Variants in HK1 observed in about 807,000 individuals in gnomAD.
The protein encoded by HK1 is hexokinase-1.
Under a neutral mutation model 91.6 loss-of-function variants are expected in HK1, and 28 were observed. The ratio of observed to expected loss-of-function variants is 0.31; its 90% CI spans 0.23 to 0.42. The LOEUF (loss-of-function observed/expected upper bound fraction) is 0.42, where lower values mean the gene tolerates loss of function less well. Ranked by LOEUF, HK1 falls within the 10% of genes least tolerant of loss-of-function variation. The pLI is 1.00. For missense variants in HK1, 770 were observed against 1,219.8 expected (o/e 0.63, Z 5.49); for synonymous variants, 430 against 468.1 (o/e 0.92, Z 1.05).
intron 1 of HK1, among the ~76,000 whole-genome samples, chr10:69,331,292 G>A (rs1847703761): frequency 6.6e-6 from 1 of 152,186 alleles, no homozygotes; most frequent in Non-Finnish European, 1.5e-5. Flanking sequence ...TGTTATAGGG[G>A]CCTCAGCCAT....
chr10:69,288,572 G>T (rs2132453182), intron 2 of HK1: 2 of 732,250 alleles, frequency 2.7e-6, no homozygotes, highest in East Asian at 2.5e-5. Flanking sequence ...CTATGTCTTG[G>T]TTCTCAGTAT....
intron 1 of HK1, among the ~76,000 whole-genome samples, chr10:69,329,420 C>T (rs1183862143): frequency 2.6e-5 from 4 of 152,154 alleles, no homozygotes; most frequent in Non-Finnish European, 5.9e-5. Context: ...CTTAGCCTCC[C>T]AAAGTGCTGG....
intron 4 of HK1, among the ~76,000 whole-genome samples, chr10:69,367,745 G>A (rs541735694): frequency 3.3e-5 from 5 of 152,144 alleles, no homozygotes; most frequent in Admixed American, 1.3e-4. Flanking sequence ...CAACCCTGCT[G>A]CATTTATAGT....
At position 69,389,268 on chromosome 10, in the gene HK1, G is replaced by T. The variant is rs117797901; in HGVS notation, c.2007G>T (p.Glu669Asp). Residue 669 changes from glutamate to aspartate, a missense_variant, in exon 14 of 18, where the codon GAG (glutamate) becomes GAT (aspartate). Physicochemically the swap from Glu to Asp is conservative, Grantham distance 45. Transcript: ENST00000359426. ...CCATGATGACCTGTGCTTATGAGGA[G>T]CCCACCTGTGAGGTTGGACTCATTG... ...VGTMMTCAYE[E>D]PTCEVGLIVG... 6.2e-7 allele frequency: 1 copy of T among 1,612,432 alleles called. No individual in the cohort carries two copies. The highest frequency in any genetic ancestry group is 2.2e-5 in the East Asian group (1 of 44,844).
intron 3 of HK1, among the ~76,000 whole-genome samples, chr10:69,292,710 A>G (rs145656687): frequency 6.6e-6 from 1 of 152,232 alleles, no homozygotes; most frequent in East Asian, 1.9e-4. Context: ...GGGCCTCAGT[A>G]TTCGTATTCG....
upstream of HK1, chr10:69,315,913 C>T: frequency 1.2e-6 from 2 of 1,606,120 alleles, no homozygotes; most frequent in East Asian, 2.2e-5. Flanking sequence ...TGTGGCATCC[C>T]AGGTTCCTGC....
chr10:69,365,000 T>A, intron 4 of HK1, 98 bp downstream of exon 4: 1 of 1,317,154 alleles, frequency 7.6e-7, no homozygotes, highest in Non-Finnish European at 1.1e-6. Flanking sequence ...GTTGGCAGAA[T>A]GGTTTGCATG....
At chr10:69,311,962 T>G (rs143687598), upstream of HK1, among the ~76,000 whole-genome samples, 231 of 152,130 alleles carry the variant, frequency 1.5e-3, 2 homozygotes, top group Middle Eastern at 0.017. Flanking sequence ...CGCCTATGAC[T>G]TTTGTCAGGC....
intron 8 of HK1, among the ~76,000 whole-genome samples, 160 bp downstream of exon 8, chr10:69,377,249 C>T (rs1000060891): frequency 2.0e-5 from 3 of 152,070 alleles, no homozygotes; most frequent in Middle Eastern, 3.2e-3. Flanking sequence ...CATTCTGGGC[C>T]GGACTCCCTG....
intron 5 of HK1, among the ~76,000 whole-genome samples, chr10:69,303,471 C>T (rs1434695085): frequency 6.6e-6 from 1 of 151,666 alleles, no homozygotes; most frequent in East Asian, 2.0e-4. Context: ...TTTATCATTA[C>T]TCAAATCAGT....
intron 2 of HK1, among the ~76,000 whole-genome samples, chr10:69,353,824 T>C (rs571066773): frequency 1.1e-3 from 162 of 152,224 alleles, no homozygotes; most frequent in Middle Eastern, 6.8e-3. Context: ...ATAGTAAATA[T>C]GTAAATGTAA....
At chr10:69,322,308 G>A (rs1273654873) in intron 1 of HK1, among the ~76,000 whole-genome samples, 3 of 152,004 alleles carry the variant, frequency 2.0e-5, no homozygotes, top group African/African-American at 7.2e-5. Context: ...TTTCCTCATT[G>A]CCTTGAGGCA....
At chr10:69,371,558 T>C (rs74571915) in intron 7 of HK1, among the ~76,000 whole-genome samples, 5,535 of 152,306 alleles carry the variant, frequency 0.036, 345 homozygotes, top group African/African-American at 0.13. Flanking sequence ...GTTATGTACC[T>C]GTAGTTACTA....
chr10:69,332,383 T>TTC (rs1847773484), intron 1 of HK1, among the ~76,000 whole-genome samples: 1 of 146,682 alleles, frequency 6.8e-6, no homozygotes, highest in Admixed American at 6.9e-5. Flanking sequence ...CTTTCTTTCT[T>TTC]TTTTTCTTTT....
At chr10:69,339,578 T>TAA (rs1848193774) in intron 1 of HK1, among the ~76,000 whole-genome samples, 2 of 152,250 alleles carry the variant, frequency 1.3e-5, no homozygotes, top group Non-Finnish European at 1.5e-5. Context: ...GTCTGCAGCC[T>TAA]GCTTTTTGAT....
intron 1 of HK1, among the ~76,000 whole-genome samples, chr10:69,342,625 AG>A (rs1332367973): frequency 1.3e-5 from 2 of 152,198 alleles, no homozygotes; most frequent in African/African-American, 4.8e-5. Flanking sequence ...CTTTGGGCAG[AG>A]GCATGACTTG....
At chr10:69,340,042 C>G (rs948293342) in intron 1 of HK1, among the ~76,000 whole-genome samples, 3 of 152,174 alleles carry the variant, frequency 2.0e-5, no homozygotes, top group African/African-American at 7.2e-5. Flanking sequence ...ATTCCAGGAT[C>G]CAGCATTGTT....
upstream of HK1, among the ~76,000 whole-genome samples, chr10:69,311,721 C>T (rs1324057836): frequency 6.6e-6 from 1 of 152,108 alleles, no homozygotes; most frequent in African/African-American, 2.4e-5. Flanking sequence ...ACTGCAACCT[C>T]CACCTCCTGG....
upstream of HK1, among the ~76,000 whole-genome samples, chr10:69,317,417 G>A (rs1053459318): frequency 7.9e-5 from 12 of 152,192 alleles, no homozygotes; most frequent in Non-Finnish European, 1.6e-4. Flanking sequence ...CTGCATCTAA[G>A]CTCCTCCTTT....
Sources: gnomAD v4.1 joint callset for allele counts (sites outside exome capture counted in the v4.1 genomes callset) on GRCh38, gnomAD v4.1.1 for gene constraint, MANE v1.5 for transcripts, NCBI Gene and HGNC (gene_info 2026-07-23, HGNC 2026-07-21) for gene names.